Variants in OR2L2 observed in about 807,000 individuals in gnomAD.
The protein encoded by OR2L2 is olfactory receptor 2L2.
For missense variants in OR2L2, 378 were observed against 375.2 expected, an observed-to-expected ratio of 1.01 and a Z score of -0.06; for synonymous variants, 156 against 135.4, an observed-to-expected ratio of 1.15 and a Z score of -1.06.
chr1:248,039,093 T>C lies in OR2L2; in HGVS notation c.826T>C (p.Phe276Leu). ...AACAGAGGACAAGATTCTGGCTGTT[T>C]TCTACACCATCCTCACCCCAATGCT... ...SPTEDKILAV[F>L]YTILTPMLNP... is the part of the protein sequence containing the mutation. Residue 276 changes from phenylalanine (F) to leucine (L), a missense_variant, in exon 3 of 3, where the codon TTC becomes CTC. Transcript: ENST00000641771. The C allele has an allele frequency of 5.6e-6, 9 of 1,614,064 alleles. No individual in the cohort carries two copies. The highest frequency in any genetic ancestry group is 7.6e-6 in the Non-Finnish European group (9 of 1,179,988).
chr1:248,031,397 G>T (rs903863311), intron 1 of OR2L2, among the ~76,000 whole-genome samples: 4 of 152,186 alleles, frequency 2.6e-5, no homozygotes, highest in African/African-American at 9.7e-5. Flanking sequence ...AGCAAGGTCT[G>T]GTAGAAAGAA....
intron 2 of OR2L2, among the ~76,000 whole-genome samples, chr1:248,036,465 G>T (rs1662764076): frequency 6.6e-6 from 1 of 151,976 alleles, no homozygotes; most frequent in Admixed American, 6.6e-5. Context: ...CACTCTTTTT[G>T]CAGGTTTGTG....
intron 2 of OR2L2, 95 bp from the exon 3 acceptor site, chr1:248,038,152 C>T (rs1026151250): frequency 5.6e-5 from 40 of 714,008 alleles, no homozygotes; most frequent in Non-Finnish European, 9.3e-5. Flanking sequence ...TCAGTATCAA[C>T]CCCAGTTTCA....
At chr1:248,034,127 A>G (rs1662692364) in intron 1 of OR2L2, among the ~76,000 whole-genome samples, 1 of 152,336 alleles carries the variant, frequency 6.6e-6, no homozygotes, top group South Asian at 2.1e-4. Flanking sequence ...TCTATAAGGA[A>G]AACTACAAAA....
intron 1 of OR2L2, among the ~76,000 whole-genome samples, chr1:248,031,167 T>TA (rs764404874): frequency 1.8e-4 from 28 of 152,336 alleles, no homozygotes; most frequent in Non-Finnish European, 3.5e-4. Context: ...AGATGTATAA[T>TA]AAATATCCTC....
At chr1:248,030,885 A>G (rs1030526378) in intron 1 of OR2L2, among the ~76,000 whole-genome samples, 1 of 152,180 alleles carries the variant, frequency 6.6e-6, no homozygotes, top group African/African-American at 2.4e-5. Context: ...CATGTAGGAC[A>G]TCACTGGGGT....
Position 248,039,444 on chromosome 1 carries a change from G to C in OR2L2, c.*238G>C, listed in dbSNP as rs1572691443. 6.1e-6 allele frequency: 2 copies of C among 326,750 alleles called. No homozygotes were observed. Among genetic ancestry groups the C allele is most frequent in the East Asian group, 1.3e-4 (2 of 15,954 alleles). 20.2% of individuals were successfully genotyped at this position (326,750 alleles called of 1,614,324 possible). A position where few individuals can be genotyped will look rare whatever the true frequency, so the allele number is the denominator to read the frequency against. On this transcript the variant is annotated 3_prime_UTR_variant, in exon 3 of 3. Coordinates refer to ENST00000641771, the MANE Select transcript of OR2L2 (RefSeq NM_001385855.1). ...TGTTTGTTTGTTTGTCTTTTTAATGGATTTTGGCTCTTGTTGCCCAGGCTC... is the reference window on the plus strand; with the variant it reads ...TGTTTGTTTGTTTGTCTTTTTAATGCATTTTGGCTCTTGTTGCCCAGGCTC...
At chr1:248,031,148 T>G (rs2103087779) in intron 1 of OR2L2, among the ~76,000 whole-genome samples, 1 of 152,322 alleles carries the variant, frequency 6.6e-6, no homozygotes, top group East Asian at 1.9e-4. Context: ...CTCTTCACAT[T>G]ACTGAAACAG....
rs1662827565 is a variant in OR2L2, at chr1:248,038,420, C to T, written c.153C>T (p.Asp51=). ...CCATGATTCTTCTCATCTTTTTGGACATCCATCTCCACACACCTATGTATT... is the reference window on the plus strand; with the variant it reads ...CCATGATTCTTCTCATCTTTTTGGATATCCATCTCCACACACCTATGTATT... ...NLSMILLIFL[D]IHLHTPMYFL... is the part of the protein sequence containing the mutation. Residue 51 remains aspartate (D), a synonymous_variant, in exon 3 of 3, where the codon GAC becomes GAT. Transcript: ENST00000641771. The T allele has an allele frequency of 1.2e-6, 2 of 1,613,730 alleles. No homozygotes were observed. The highest frequency in any genetic ancestry group is 8.5e-7 in the Non-Finnish European group (1 of 1,179,664).
chr1:248,039,282 A>G lies in OR2L2; in HGVS notation c.*76A>G. 1 of 1,345,180 alleles carries G rather than the reference A, an allele frequency of 7.4e-7. No homozygotes were observed. The highest frequency in any genetic ancestry group is 1.5e-5 in the African/African-American group (1 of 68,686). The allele number at this position is 1,345,180 out of a possible 1,614,324, so 83.3% of individuals were successfully genotyped here. A position where few individuals can be genotyped will look rare whatever the true frequency, so the allele number is the denominator to read the frequency against. ...GTGTACAGCAGTGAAGAAAAACATTATTACATGCCCAGTGTGTCAAACAGA... is the reference window on the plus strand; with the variant it reads ...GTGTACAGCAGTGAAGAAAAACATTGTTACATGCCCAGTGTGTCAAACAGA... On this transcript the variant is annotated 3_prime_UTR_variant, in exon 3 of 3. Transcript: ENST00000641771.
At position 248,039,439 on chromosome 1, in the gene OR2L2, T is replaced by G; in HGVS notation, c.*233T>G. The G allele has an allele frequency of 2.9e-6, 1 of 343,568 alleles. No homozygotes were observed. The highest frequency in any genetic ancestry group is 5.9e-5 in the East Asian group (1 of 16,902). The allele number at this position is 343,568 out of a possible 1,614,324, so 21.3% of individuals were successfully genotyped here. On this transcript the variant is annotated 3_prime_UTR_variant, in exon 3 of 3. Transcript: ENST00000641771. ...TTGTTTGTTTGTTTGTTTGTCTTTT[T>G]AATGGATTTTGGCTCTTGTTGCCCA...
chr1:248,031,028 C>T (rs375103688), intron 1 of OR2L2, among the ~76,000 whole-genome samples: 3 of 152,022 alleles, frequency 2.0e-5, no homozygotes, highest in Non-Finnish European at 4.4e-5. Context: ...AAAATGAAAG[C>T]AAGTAGAAAT....
At position 248,041,696 on chromosome 1, in the gene OR2L2, G is replaced by A. The variant is rs1298456242; in HGVS notation, c.*2490G>A. 1.3e-5 allele frequency: 2 copies of A among 152,106 alleles called. No homozygotes were observed. The highest frequency in any genetic ancestry group is 2.4e-5 in the African/African-American group (1 of 41,422). The allele number at this position is 152,106 out of a possible 1,614,324, so 9.4% of individuals were successfully genotyped here. A position where few individuals can be genotyped will look rare whatever the true frequency, so the allele number is the denominator to read the frequency against. ...CAAACAACCCCATCAAAAAGTGGGT[G>A]AAGGACATGAACAGACACTTCTCAA... On this transcript the variant is annotated 3_prime_UTR_variant, in exon 3 of 3. Transcript: ENST00000641771.
At position 248,038,909 on chromosome 1, in the gene OR2L2, A is replaced by G. The variant is rs56102617; in HGVS notation, c.642A>G (p.Ala214=). 5.1e-3 allele frequency: 8,312 copies of G among 1,614,080 alleles called. 40 individuals are homozygous for G. Among genetic ancestry groups the G allele is most frequent in the Admixed American group, 6.0e-3 (358 of 60,004 alleles). The change falls in exon 3 of 3, where the codon GCA becomes GCG. Residue 214 remains alanine, a synonymous_variant. Coordinates refer to ENST00000641771, the MANE Select transcript of OR2L2 (RefSeq NM_001385855.1). ...IFLVLPFTGI[A]CSYGRVLLAV... is the part of the protein sequence containing the mutation. ...TTGTGCTTCCTTTCACTGGTATTGCATGTTCCTATGGCCGGGTTCTCCTTG... is the reference window on the plus strand; with the variant it reads ...TTGTGCTTCCTTTCACTGGTATTGCGTGTTCCTATGGCCGGGTTCTCCTTG...
intron 1 of OR2L2, among the ~76,000 whole-genome samples, chr1:248,030,584 T>C (rs1381296606): frequency 6.6e-6 from 1 of 152,178 alleles, no homozygotes; most frequent in African/African-American, 2.4e-5. Context: ...TCCTTGTACC[T>C]ACTTGGTTGG....
chr1:248,034,160 C>T (rs1047352585), intron 1 of OR2L2, among the ~76,000 whole-genome samples: 3 of 152,044 alleles, frequency 2.0e-5, no homozygotes, highest in Non-Finnish European at 2.9e-5. Flanking sequence ...AAATCATAGA[C>T]GAAACAAACC....
In OR2L2 at chr1:248,042,066, T is replaced by C. The variant is rs1279296996; in HGVS notation, c.*2860T>C. 3.9e-5 allele frequency: 6 copies of C among 152,098 alleles called. No homozygotes were observed. Among genetic ancestry groups the C allele is most frequent in the Admixed American group, 6.6e-5 (1 of 15,260 alleles). The allele number at this position is 152,098 out of a possible 1,614,324, so 9.4% of individuals were successfully genotyped here. ...AAGACACATGCACACCTATGTTTAT[T>C]GCGGCACTATTCACAATAGCAAAGA... On this transcript the variant is annotated 3_prime_UTR_variant, in exon 3 of 3. Transcript: ENST00000641771.
chr1:248,033,187 A>G (rs1033307840), intron 1 of OR2L2, among the ~76,000 whole-genome samples: 11 of 152,168 alleles, frequency 7.2e-5, no homozygotes, highest in Non-Finnish European at 2.9e-5. Context: ...TCATTTTGCC[A>G]CTGACTATAC....
chr1:248,036,975 A>G (rs1473865526), intron 2 of OR2L2, among the ~76,000 whole-genome samples: 5 of 152,176 alleles, frequency 3.3e-5, no homozygotes, highest in African/African-American at 9.6e-5. Flanking sequence ...CAGAATATAC[A>G]TCGTATACGG....
Sources: allele counts gnomAD v4.1 joint callset (sites outside exome capture counted in the v4.1 genomes callset), GRCh38; gene constraint gnomAD v4.1.1; transcripts MANE v1.5; gene names NCBI Gene and HGNC (gene_info 2026-07-23, HGNC 2026-07-21).